The following KLHL3 variants were observed in gnomAD, a reference collection of about 807,000 sequenced individuals.
The protein encoded by KLHL3 is kelch-like protein 3.
In KLHL3, 19 loss-of-function variants were observed where a neutral mutation model predicts 70.5. The ratio of observed to expected loss-of-function variants is 0.27; its 90% CI spans 0.19 to 0.40. The LOEUF is 0.40. KLHL3 is among the 10% of genes least tolerant of loss of function. The pLI, the probability that KLHL3 is intolerant of heterozygous loss-of-function variation, is 1.00. For missense variants in KLHL3, 512 were observed against 771.1 expected (o/e 0.66, Z 3.98); for synonymous variants, 258 against 290.3 (o/e 0.89, Z 1.13).
chr5:137,698,150 G>C, intron 4 of KLHL3, 137 bp downstream of exon 4: 3 of 1,169,288 alleles, frequency 2.6e-6, no homozygotes. Flanking sequence ...CCCAGGGCAG[G>C]TCACCTGACC....
chr5:137,627,873 A>G (rs148329708), intron 13 of KLHL3, among the ~76,000 whole-genome samples: 2 of 152,348 alleles, frequency 1.3e-5, no homozygotes, highest in East Asian at 3.9e-4. Context: ...GCTTTCAAGT[A>G]GGAAGTGAGA....
Position 137,680,096 on chromosome 5 carries a change from T to A in KLHL3, c.527-2442A>T, listed in dbSNP as rs549667498. ...CCAGCTAACTCCATTTCCTGGGAAA[T>A]AGGATTTCCCCAGAAGACTTTGTAT... On this transcript the variant is annotated intron_variant, in intron 5 of 14. Coordinates refer to ENST00000309755, the MANE Select transcript of KLHL3 (RefSeq NM_017415.3). Among the ~76,000 whole-genome samples, 13 of 152,162 alleles carry A rather than the reference T, an allele frequency of 8.5e-5. No individual in the cohort carries two copies. In the South Asian group the frequency reaches 2.7e-3, roughly 32 times the overall value.
intron 7 of KLHL3, among the ~76,000 whole-genome samples, chr5:137,660,339 G>C (rs1751441958): frequency 6.6e-6 from 1 of 152,122 alleles, no homozygotes; most frequent in Non-Finnish European, 1.5e-5. Context: ...CTGGAACCCA[G>C]GTCCCCAGGT....
At chr5:137,701,426 A>G (rs146074650) in intron 3 of KLHL3, among the ~76,000 whole-genome samples, 25 of 152,254 alleles carry the variant, frequency 1.6e-4, no homozygotes, top group Non-Finnish European at 2.6e-4. Context: ...CTAACTCTAG[A>G]CCCTGTGTCA....
At chr5:137,671,969 TG>T (rs766247465) in intron 6 of KLHL3, 1 of 152,014 alleles carries the variant, frequency 6.6e-6, no homozygotes, top group Non-Finnish European at 1.5e-5. Context: ...AAAAAAAAAA[TG>T]ATGAGTGAAA....
At chr5:137,663,056 C>CT (rs139890036) in intron 6 of KLHL3, among the ~76,000 whole-genome samples, 8,889 of 77,974 alleles carry the variant, frequency 0.11, 36 homozygotes, top group Non-Finnish European at 0.14. Context: ...AGCACTCGTT[C>CT]TTTTTTTTTT....
At chr5:137,636,352 T>G (rs529933915) in intron 11 of KLHL3, among the ~76,000 whole-genome samples, 1 of 152,252 alleles carries the variant, frequency 6.6e-6, no homozygotes, top group Non-Finnish European at 1.5e-5. Context: ...AGAGATGGAA[T>G]GTCTGCATAC....
intron 2 of KLHL3, among the ~76,000 whole-genome samples, chr5:137,710,801 A>T (rs1325623615): frequency 2.6e-5 from 4 of 152,174 alleles, no homozygotes; most frequent in Non-Finnish European, 5.9e-5. Flanking sequence ...ATATTACTTC[A>T]TCCTCTCTAC....
At chr5:137,700,517 C>A (rs1011439928) in intron 3 of KLHL3, among the ~76,000 whole-genome samples, 2 of 152,192 alleles carry the variant, frequency 1.3e-5, no homozygotes, top group East Asian at 3.9e-4. Context: ...AATGGAAACG[C>A]CTGGAATTGT....
chr5:137,627,488 C>CG (rs1554089726), intron 13 of KLHL3, among the ~76,000 whole-genome samples: 2,054 of 92,288 alleles, frequency 0.022, 388 homozygotes, highest in Non-Finnish European at 0.024. Flanking sequence ...CCCCCCCCCC[C>CG]GGTTTACACT....
chr5:137,629,155 G>T (rs1750567486), intron 12 of KLHL3: 1 of 152,174 alleles, frequency 6.6e-6, no homozygotes, highest in Admixed American at 6.5e-5. Context: ...ACAAGTTTTA[G>T]TATAATCTTT....
Position 137,683,525 on chromosome 5 carries a change from C to T in KLHL3, c.527-5871G>A, listed in dbSNP as rs569972204. On this transcript the variant is annotated intron_variant, in intron 5 of 14. Coordinates refer to ENST00000309755, the MANE Select transcript of KLHL3 (RefSeq NM_017415.3). ...CTTCCTTGAATCAATATTTAGCTTT[C>T]CAGGCTCACAGTTTCTCTGCTCTAG... Among the ~76,000 whole-genome samples the T allele has an allele frequency of 2.6e-5, 4 of 152,286 alleles. No homozygotes were observed. In the East Asian group the frequency reaches 7.7e-4, roughly 29 times the overall value.
At position 137,654,105 on chromosome 5, in the gene KLHL3, T is replaced by C. The variant is rs188321570; in HGVS notation, c.903+4026A>G. Among the ~76,000 whole-genome samples, 103 of 152,266 alleles carry C rather than the reference T, an allele frequency of 6.8e-4. 2 individuals carry two copies. Among genetic ancestry groups the C allele is most frequent in the Middle Eastern group, 3.4e-3 (1 of 294 alleles). On this transcript the variant is annotated intron_variant, in intron 8 of 14. Transcript: ENST00000309755. ...AGAGGCTGGGGGTAGAAGAAGAGGATTGACTACAAAGCAGCACATGGAAAC... is the reference window on the plus strand; with the variant it reads ...AGAGGCTGGGGGTAGAAGAAGAGGACTGACTACAAAGCAGCACATGGAAAC...
intron 14 of KLHL3, 104 bp downstream of exon 14, chr5:137,625,649 A>C (rs1750439638): frequency 7.2e-7 from 1 of 1,384,168 alleles, no homozygotes; most frequent in Admixed American, 1.8e-5. Flanking sequence ...CTCAGGCCCA[A>C]GTTAAGCAAG....
chr5:137,732,027 C>A (rs1272793232), intron 1 of KLHL3, among the ~76,000 whole-genome samples: 1 of 152,128 alleles, frequency 6.6e-6, no homozygotes, highest in African/African-American at 2.4e-5. Flanking sequence ...TCCTGGTAAC[C>A]ATTTTACTTT....
In KLHL3 at chr5:137,711,913, G is replaced by A. The variant is rs141035506; in HGVS notation, c.135-2057C>T. On this transcript the variant is annotated intron_variant, in intron 2 of 14. Coordinates refer to ENST00000309755, the MANE Select transcript of KLHL3 (RefSeq NM_017415.3). Reference sequence around the variant, plus strand: ...GCTATTTAAGAATAACCACACTTTGGGAGGCTGAGGAAGGCAGATCACTTC... The same window carrying A: ...GCTATTTAAGAATAACCACACTTTGAGAGGCTGAGGAAGGCAGATCACTTC... Among the ~76,000 whole-genome samples the A allele has an allele frequency of 9.2e-3, 1,393 of 151,896 alleles. 23 individuals carry two copies. Among genetic ancestry groups the A allele is most frequent in the African/African-American group, 0.032 (1,311 of 41,392 alleles).
chr5:137,682,407 G>T lies in KLHL3; in HGVS notation c.527-4753C>A, dbSNP rs1192866579. 1.3e-4 allele frequency among the ~76,000 whole-genome samples: 4 copies of T among 30,840 alleles called. No individual in the cohort carries two copies. The East Asian group carries it at 0.052, about 399-fold the overall frequency. The allele number at this position is 30,840 out of a possible 152,430, so 20.2% of individuals were successfully genotyped here. A position where few individuals can be genotyped will look rare whatever the true frequency, so the allele number is the denominator to read the frequency against. On this transcript the variant is annotated intron_variant, in intron 5 of 14. Transcript: ENST00000309755. ...CCCTCTCAGGGGTGCTGGACATAGA[G>T]AGAGAGAGAGAGAGAGAGAGAGAGA... is the stretch of plus-strand genomic sequence containing the variant.
At chr5:137,629,184 C>G (rs1480812730) in intron 12 of KLHL3, 1 of 152,174 alleles carries the variant, frequency 6.6e-6, no homozygotes, top group East Asian at 1.9e-4. Flanking sequence ...TTTTATACAA[C>G]AAGAAGATGA....
rs945810668 is a variant in KLHL3, at chr5:137,620,838, G to C, written c.*1260C>G. On this transcript the variant is annotated 3_prime_UTR_variant, in exon 15 of 15. Coordinates refer to ENST00000309755, the MANE Select transcript of KLHL3 (RefSeq NM_017415.3). Reference sequence around the variant, plus strand: ...GGGAAAGCAGTAGTGGGGTTCTTGGGGGTTGGGGAGAGGGTGCACACCCTG... The same window carrying C: ...GGGAAAGCAGTAGTGGGGTTCTTGGCGGTTGGGGAGAGGGTGCACACCCTG... 3 of 152,212 alleles carry C rather than the reference G, an allele frequency of 2.0e-5. No homozygotes were observed. The highest frequency in any genetic ancestry group is 7.2e-5 in the African/African-American group (3 of 41,438). 9.4% of individuals were successfully genotyped at this position (152,212 alleles called of 1,614,324 possible). A position where few individuals can be genotyped will look rare whatever the true frequency, so the allele number is the denominator to read the frequency against.
Sources: allele counts gnomAD v4.1 joint callset (sites outside exome capture counted in the v4.1 genomes callset), GRCh38; gene constraint gnomAD v4.1.1; transcripts MANE v1.5; gene names NCBI Gene and HGNC (gene_info 2026-07-23, HGNC 2026-07-21).